PFKP: variants seen among roughly 807,000 people sequenced by gnomAD.
PFKP encodes ATP-dependent 6-phosphofructokinase, platelet type.
A neutral mutation model predicts 94.3 loss-of-function variants in PFKP; 101 were observed. The observed-to-expected ratio is 1.07, with a 90% CI of 0.91 to 1.26. The LOEUF is 1.26. Among genes scored for constraint, PFKP ranks in the 50% most tolerant of loss-of-function variants. PFKP has a pLI of 0.00. For synonymous variants in PFKP, 573 were observed against 432.6 expected (o/e 1.32, Z -4.03); for missense variants, 1,145 against 1,103.3 (o/e 1.04, Z -0.53).
chr10:3,086,089 G>A (rs1833569869), intron 2 of PFKP, among the ~76,000 whole-genome samples: 1 of 152,154 alleles, frequency 6.6e-6, no homozygotes, highest in Non-Finnish European at 1.5e-5. Context: ...TTTAAAAGCT[G>A]TTTGGGGATG....
Position 3,100,862 on chromosome 10 carries a change from CAAAAAAAAA to C in PFKP, c.265-491_265-483del, listed in dbSNP as rs71294492. The C allele has an allele frequency of 8.8e-5, 58 of 657,208 alleles. 1 individual carries two copies. In the African/African-American group the frequency reaches 1.2e-3, roughly 13 times the overall value. 40.7% of individuals were successfully genotyped at this position (657,208 alleles called of 1,614,324 possible). A position where few individuals can be genotyped will look rare whatever the true frequency, so the allele number is the denominator to read the frequency against. ...TAAAAGGGGCAGCGAGTATGTGGTG[CAAAAAAAAA>C]AAAAAAAAAAATCCCCCTGGCCCCA... On this transcript the variant is annotated intron_variant, in intron 3 of 21. Transcript: ENST00000381125.
At chr10:3,072,725 A>C (rs552101027) in intron 1 of PFKP, among the ~76,000 whole-genome samples, 1 of 152,100 alleles carries the variant, frequency 6.6e-6, no homozygotes, top group Admixed American at 6.5e-5. Context: ...ACAGGACTCC[A>C]ACCTTTTATC....
intron 2 of PFKP, among the ~76,000 whole-genome samples, chr10:3,097,583 GC>G (rs1834593477): frequency 6.6e-6 from 1 of 152,194 alleles, no homozygotes; most frequent in African/African-American, 2.4e-5. Context: ...GGGCCTGGGT[GC>G]CTGGGGGGTC....
At position 3,136,571 on chromosome 10, in the gene PFKP, A is replaced by G. The variant is rs1839388749; in HGVS notation, c.2347A>G (p.Ser783Gly). 6.2e-7 allele frequency: 1 copy of G among 1,613,242 alleles called. No individual in the cohort carries two copies. Among genetic ancestry groups the G allele is most frequent in the Non-Finnish European group, 8.5e-7 (1 of 1,179,562 alleles). ...CCAGCTGGAACATGTGCAGCCCTGG[A>G]GTGTCTGACCCAGTCCCGCCTGCAT... is the stretch of plus-strand genomic sequence containing the variant. ...SGQLEHVQPW[S>G]V The change falls in exon 22 of 22, where the codon AGT (serine) becomes GGT (glycine). Residue 783 changes from serine (S) to glycine (G), a missense_variant. By Grantham distance (56) the Ser-to-Gly change is moderately conservative (BLOSUM62 0). Around this residue, in one of 3 missense-constraint regions of PFKP, gnomAD observed 20 missense variants for 19.6 expected, o/e 1.02. Transcript: ENST00000381125.
chr10:3,090,515 C>A (rs538208679), intron 2 of PFKP, among the ~76,000 whole-genome samples: 26 of 152,192 alleles, frequency 1.7e-4, no homozygotes, highest in Non-Finnish European at 2.4e-4. Context: ...TGCACCTGAA[C>A]ACATCTATTC....
At chr10:3,135,600 C>G (rs921964172) in intron 20 of PFKP, 136 bp from the exon 21 acceptor site, 11 of 605,762 alleles carry the variant, frequency 1.8e-5, no homozygotes, top group Non-Finnish European at 3.0e-5. Context: ...CGCGGCTGTT[C>G]TCAGTCTCAC....
chr10:3,125,968 C>T (rs1374437212), intron 16 of PFKP, among the ~76,000 whole-genome samples: 3 of 152,176 alleles, frequency 2.0e-5, no homozygotes, highest in South Asian at 2.1e-4. Flanking sequence ...CCACCTGGTG[C>T]GAGGGACCCA....
Position 3,134,039 on chromosome 10 carries a change from C to T in PFKP, c.2023-444C>T, listed in dbSNP as rs577047818. ...GCCTGGGACACAGGGTCCAGGCCTC[C>T]TAACTTGCACACACTCCTTCCTCAC... On this transcript the variant is annotated intron_variant, in intron 19 of 21. Coordinates refer to ENST00000381125, the MANE Select transcript of PFKP (RefSeq NM_002627.5). Among the ~76,000 whole-genome samples the T allele has an allele frequency of 3.3e-5, 5 of 152,300 alleles. No homozygotes were observed. The South Asian group carries it at 1.0e-3, about 32-fold the overall frequency.
At chr10:3,128,926 G>GC (rs1367975724) in intron 16 of PFKP, 2 of 152,400 alleles carry the variant, frequency 1.3e-5, no homozygotes, top group East Asian at 1.9e-4. Flanking sequence ...AGGACCTGGT[G>GC]CCGGGAGCAG....
At chr10:3,083,767 C>T (rs1833268949) in intron 2 of PFKP, among the ~76,000 whole-genome samples, 3 of 152,178 alleles carry the variant, frequency 2.0e-5, no homozygotes, top group Non-Finnish European at 2.9e-5. Context: ...ATCTGCCTCC[C>T]ACATAGCTGG....
chr10:3,104,537 G>A (rs1835351858), intron 5 of PFKP, among the ~76,000 whole-genome samples: 1 of 152,248 alleles, frequency 6.6e-6, no homozygotes, highest in Non-Finnish European at 1.5e-5. Context: ...GCGCCTCCCA[G>A]TCCTCTGTGT....
At chr10:3,077,249 C>CT (rs35306351) in intron 1 of PFKP, among the ~76,000 whole-genome samples, 37,925 of 107,336 alleles carry the variant, frequency 0.35, 7,584 homozygotes, top group Non-Finnish European at 0.43. Context: ...CTATTCTTTA[C>CT]TTTTTTTTTT....
At chr10:3,105,300 A>T in intron 6 of PFKP, 93 bp from the exon 7 acceptor site, 2 of 1,296,070 alleles carry the variant, frequency 1.5e-6, no homozygotes, top group Non-Finnish European at 2.2e-6. Context: ...ACCTGGCGTT[A>T]GGTCTGCACG....
At position 3,075,578 on chromosome 10, in the gene PFKP, C is replaced by T. The variant is rs570902558; in HGVS notation, c.113-6810C>T. ...TATGCAATTTTAAATGATCTAGTTG[C>T]CGCATTAAAGAAAGGCGGGGCAGGG... On this transcript the variant is annotated intron_variant, in intron 1 of 21. Coordinates refer to ENST00000381125, the MANE Select transcript of PFKP (RefSeq NM_002627.5). Among the ~76,000 whole-genome samples, 132 of 142,744 alleles carry T rather than the reference C, an allele frequency of 9.2e-4. 2 individuals are homozygous for T. Among genetic ancestry groups the T allele is most frequent in the Admixed American group, 2.0e-3 (28 of 13,730 alleles). The allele number at this position is 142,744 out of a possible 152,430, so 93.6% of individuals were successfully genotyped here. A position where few individuals can be genotyped will look rare whatever the true frequency, so the allele number is the denominator to read the frequency against.
chr10:3,076,760 G>T (rs540250223), intron 1 of PFKP, among the ~76,000 whole-genome samples: 2 of 152,288 alleles, frequency 1.3e-5, no homozygotes, highest in African/African-American at 4.8e-5. Context: ...ACAGTGGGTT[G>T]GTGGTTGAGT....
intron 2 of PFKP, among the ~76,000 whole-genome samples, chr10:3,089,959 TTTTA>T (rs1414180498): frequency 6.6e-6 from 1 of 152,142 alleles, no homozygotes; most frequent in Non-Finnish European, 1.5e-5. Flanking sequence ...GAGATCAATT[TTTTA>T]TTTAAGCTTA....
At chr10:3,102,722 A>G (rs1835138826) in intron 4 of PFKP, among the ~76,000 whole-genome samples, 1 of 152,204 alleles carries the variant, frequency 6.6e-6, no homozygotes, top group Admixed American at 6.5e-5. Flanking sequence ...TGAAGCGGTT[A>G]TGTAATTTCA....
At chr10:3,093,772 C>T (rs558936709) in intron 2 of PFKP, among the ~76,000 whole-genome samples, 27 of 151,482 alleles carry the variant, frequency 1.8e-4, no homozygotes, top group Admixed American at 2.6e-4. Flanking sequence ...GCCTCCCGAG[C>T]AGCTGGGACT....
intron 16 of PFKP, among the ~76,000 whole-genome samples, chr10:3,121,581 G>GT (rs10528387): frequency 0.15 from 20,178 of 132,480 alleles, 1,679 homozygotes; most frequent in Admixed American, 0.21. Context: ...ATAAATAACT[G>GT]TTTTTTTTTT....
Sources: gnomAD v4.1 joint callset for allele counts (sites outside exome capture counted in the v4.1 genomes callset) on GRCh38, gnomAD v4.1.1 for gene constraint, gnomAD v4.1.1 regional missense constraint, MANE v1.5 for transcripts, NCBI Gene and HGNC (gene_info 2026-07-23, HGNC 2026-07-21) for gene names.